The following DPY19L4 variants were observed in gnomAD, a reference collection of about 807,000 sequenced individuals.
The protein encoded by DPY19L4 is probable C-mannosyltransferase DPY19L4.
DPY19L4 carries 97 observed loss-of-function variants against 102.8 expected under a neutral mutation model. The ratio of observed to expected loss-of-function variants is 0.94; its 90% CI spans 0.80 to 1.12. DPY19L4 has a LOEUF of 1.12. DPY19L4 is among the 50% of genes most tolerant of loss of function. DPY19L4 has a pLI of 0.00. For missense variants in DPY19L4, 815 were observed against 850.4 expected (o/e 0.96, Z 0.52); for synonymous variants, 252 against 283.1 (o/e 0.89, Z 1.10).
In DPY19L4 at chr8:94,767,934, G is replaced by A. The variant is rs554684507; in HGVS notation, c.1176-461G>A. On this transcript the variant is annotated intron_variant, in intron 11 of 18. Coordinates refer to ENST00000414645, the MANE Select transcript of DPY19L4 (RefSeq NM_181787.3). ...ATTTTGTTTTTCAAATCATTATTTC[G>A]CTCTTTTTTTCTTTGAAATCCTGGG... Among the ~76,000 whole-genome samples, 16 of 151,884 alleles carry A rather than the reference G, an allele frequency of 1.1e-4. No individual in the cohort carries two copies. In the East Asian group the frequency reaches 1.2e-3, roughly 11 times the overall value.
intron 2 of DPY19L4, among the ~76,000 whole-genome samples, chr8:94,731,195 G>A (rs887630936): frequency 1.3e-5 from 2 of 151,464 alleles, no homozygotes; most frequent in Admixed American, 1.3e-4. Context: ...ACAAACCCAA[G>A]AAATCCATTT....
At chr8:94,759,279 A>G (rs1029333488) in intron 7 of DPY19L4, among the ~76,000 whole-genome samples, 1 of 151,750 alleles carries the variant, frequency 6.6e-6, no homozygotes, top group African/African-American at 2.4e-5. Context: ...CCTTTTTTCA[A>G]TCCCCCCTGT....
chr8:94,761,941 G>A (rs995371973), intron 8 of DPY19L4, 107 bp downstream of exon 8: 11 of 1,125,316 alleles, frequency 9.8e-6, no homozygotes, highest in East Asian at 2.7e-5. Context: ...TGGGAACCCC[G>A]ATGCATACAA....
chr8:94,767,363 G>A (rs10112090), intron 11 of DPY19L4, among the ~76,000 whole-genome samples: 24,276 of 148,326 alleles, frequency 0.16, 2,091 homozygotes, highest in Admixed American at 0.22. Context: ...GCACGATCTC[G>A]GCTCACTGCA....
At chr8:94,756,957 G>A (rs1436667315) in intron 7 of DPY19L4, among the ~76,000 whole-genome samples, 7 of 152,176 alleles carry the variant, frequency 4.6e-5, no homozygotes, top group African/African-American at 1.2e-4. Context: ...CCTGGGAGGC[G>A]GAGGTTGTAG....
rs1236252340 is a variant in DPY19L4 at position 94,791,615 on chromosome 8, G to A, written c.*1705G>A. The A allele has an allele frequency of 6.6e-6, 1 of 152,028 alleles. No individual in the cohort carries two copies. The allele number at this position is 152,028 out of a possible 1,614,324, so 9.4% of individuals were successfully genotyped here. On this transcript the variant is annotated 3_prime_UTR_variant, in exon 19 of 19. Transcript: ENST00000414645. ...TCACATGGTAGTACTTGTGATTAGA[G>A]CATGTAAAACAATGTAATTGAAAAG...
chr8:94,759,235 T>G (rs760197175), intron 7 of DPY19L4, among the ~76,000 whole-genome samples: 22 of 152,170 alleles, frequency 1.4e-4, no homozygotes, highest in Non-Finnish European at 2.6e-4. Context: ...TTATGTGTCC[T>G]CTCCCATGTT....
In DPY19L4 at chr8:94,756,042, T is replaced by C. The variant is rs771734380; in HGVS notation, c.618T>C (p.Asp206=). The C allele has an allele frequency of 6.2e-7, 1 of 1,610,366 alleles. No homozygotes were observed. Among genetic ancestry groups the C allele is most frequent in the Non-Finnish European group, 8.5e-7 (1 of 1,179,374 alleles). The part of the protein sequence containing the change: ...TVAWFVINRV[D]TTRIEYSIPL... ...CATCTGTGGTTTATTTTAGGGTAGA[T>C]ACAACAAGAATTGAATACTCCATTC... Residue 206 remains aspartate, a synonymous_variant, in exon 7 of 19, where the codon GAT becomes GAC. Transcript: ENST00000414645.
chr8:94,738,186 C>T (rs1440183486), intron 3 of DPY19L4, among the ~76,000 whole-genome samples, 183 bp from the exon 4 acceptor site: 2 of 151,458 alleles, frequency 1.3e-5, no homozygotes, highest in Admixed American at 1.3e-4. Flanking sequence ...GGCGTGGTGG[C>T]AGGCGCCTGT....
chr8:94,739,463 A>T lies in DPY19L4; in HGVS notation c.394A>T (p.Asn132Tyr). The T allele has an allele frequency of 6.2e-7, 1 of 1,607,200 alleles. No individual in the cohort carries two copies. Among genetic ancestry groups the T allele is most frequent in the Non-Finnish European group, 8.5e-7 (1 of 1,178,318 alleles). The change falls in exon 5 of 19, where the codon AAT becomes TAT. Residue 132 changes from asparagine to tyrosine, a missense_variant. Asn to Tyr is a moderately radical substitution (Grantham distance 143, BLOSUM62 -2). Transcript: ENST00000414645. ...CAAAACTGTATCTCTGAAGACTATA[A>T]ATGCAGTGCAGCAAATGTCTCTGTA... ...NNKTVSLKTI[N>Y]AVQQMSLYPE...
At chr8:94,722,822 C>G (rs1810526693) in intron 1 of DPY19L4, among the ~76,000 whole-genome samples, 2 of 152,304 alleles carry the variant, frequency 1.3e-5, no homozygotes, top group East Asian at 3.9e-4. Flanking sequence ...TCCCATCTTG[C>G]TTACCATTCA....
rs1811115183 is a variant in DPY19L4 at position 94,734,625 on chromosome 8, T to C, written c.128-5T>C. Reference sequence around the variant, plus strand: ...CTTTTCATTACTTTTAATATACTTTTTCAGATGTATTATTTCAACGCTTTG... The same window carrying C: ...CTTTTCATTACTTTTAATATACTTTCTCAGATGTATTATTTCAACGCTTTG... On this transcript the variant is annotated splice_region_variant and splice_polypyrimidine_tract_variant and intron_variant, in intron 2 of 18. Transcript: ENST00000414645. 1.9e-6 allele frequency: 3 copies of C among 1,610,286 alleles called. No homozygotes were observed. The highest frequency in any genetic ancestry group is 2.2e-5 in the East Asian group (1 of 44,866).
chr8:94,728,345 T>G (rs1810780820), intron 2 of DPY19L4, among the ~76,000 whole-genome samples: 1 of 152,264 alleles, frequency 6.6e-6, no homozygotes, highest in Admixed American at 6.5e-5. Context: ...GTTGTGTTTA[T>G]GCCCCAGTTG....
intron 2 of DPY19L4, among the ~76,000 whole-genome samples, chr8:94,731,064 A>C (rs1310782896): frequency 6.6e-6 from 1 of 151,620 alleles, no homozygotes; most frequent in Non-Finnish European, 1.5e-5. Flanking sequence ...TCAAAAAAAA[A>C]AAAAAAAAAA....
chr8:94,750,993 C>A (rs1241890977), intron 6 of DPY19L4, among the ~76,000 whole-genome samples: 1 of 151,888 alleles, frequency 6.6e-6, no homozygotes, highest in East Asian at 1.9e-4. Context: ...GTTGGCCAGG[C>A]TGGTCTCAAA....
chr8:94,773,481 G>A (rs1341882315), intron 13 of DPY19L4, among the ~76,000 whole-genome samples: 1 of 151,200 alleles, frequency 6.6e-6, no homozygotes, highest in African/African-American at 2.4e-5. Context: ...GCCCAGGCTG[G>A]AGTGTAGTGG....
At chr8:94,771,990 T>C (rs1422560596) in intron 13 of DPY19L4, among the ~76,000 whole-genome samples, 1 of 152,190 alleles carries the variant, frequency 6.6e-6, no homozygotes, top group African/African-American at 2.4e-5. Flanking sequence ...AAAATAGGTA[T>C]TCACATGTTA....
At chr8:94,763,964 G>T (rs983671993) in intron 8 of DPY19L4, among the ~76,000 whole-genome samples, 9 of 152,078 alleles carry the variant, frequency 5.9e-5, no homozygotes, top group Non-Finnish European at 1.0e-4. Context: ...GTGAGCCACC[G>T]AGTCTGGCCT....
chr8:94,789,061 C>G (rs76554508), intron 18 of DPY19L4, among the ~76,000 whole-genome samples: 22 of 152,210 alleles, frequency 1.4e-4, no homozygotes, highest in Middle Eastern at 6.8e-3. Context: ...TATGAAGCCT[C>G]GGGTACAGTT....
Sources: gnomAD v4.1 joint callset for allele counts (sites outside exome capture counted in the v4.1 genomes callset) on GRCh38, gnomAD v4.1.1 for gene constraint, MANE v1.5 for transcripts, NCBI Gene and HGNC (gene_info 2026-07-23, HGNC 2026-07-21) for gene names.